EYS: variants seen among roughly 807,000 people sequenced by gnomAD.
EYS encodes the protein protein eyes shut homolog.
In EYS, 250 loss-of-function variants were observed where a neutral mutation model predicts 282.1. That is an observed-to-expected ratio of 0.89 (90% CI 0.80 to 0.98). EYS has a LOEUF of 0.98. EYS is among the 50% of genes least tolerant of loss of function. EYS has a pLI of 0.00. For missense variants in EYS, 4,016 were observed against 3,709.0 expected, an observed-to-expected ratio of 1.08 and a Z score of -2.15; for synonymous variants, 1,355 against 1,282.9, an observed-to-expected ratio of 1.06 and a Z score of -1.20.
At chr6:64,122,756 G>A (rs1032144104) in intron 31 of EYS, among the ~76,000 whole-genome samples, 6 of 151,670 alleles carry the variant, frequency 4.0e-5, no homozygotes, top group African/African-American at 1.2e-4. Context: ...TTAAGATACT[G>A]TAAAGATTAA....
chr6:64,590,235 GC>G lies in EYS; in HGVS notation c.5631del (p.Leu1878Ter). 2 of 1,542,780 alleles carry G rather than the reference GC, an allele frequency of 1.3e-6. No individual in the cohort carries two copies. Among genetic ancestry groups the G allele is most frequent in the Non-Finnish European group, 1.8e-6 (2 of 1,142,846 alleles). On this transcript the variant is annotated frameshift_variant, in exon 26 of 43. Coordinates refer to ENST00000503581, the MANE Select transcript of EYS (RefSeq NM_001142800.2). LOFTEE classifies it high-confidence loss of function. ...CTGAGAAACTCACCAGAAATCATCA[GC>G]CGTTGAGGTGCCAGAATGGATTCCA... ...SSLESILAPQ[R>X]LMISDFSCVR... is the part of the protein sequence containing the mutation.
chr6:65,197,393 G>A (rs1163905663), intron 12 of EYS, among the ~76,000 whole-genome samples: 1 of 152,008 alleles, frequency 6.6e-6, no homozygotes, highest in Non-Finnish European at 1.5e-5. Context: ...GCCATGGAAA[G>A]CCCATTAAAA....
At chr6:65,547,825 G>C (rs1243462085) in intron 2 of EYS, among the ~76,000 whole-genome samples, 1 of 152,192 alleles carries the variant, frequency 6.6e-6, no homozygotes, top group Non-Finnish European at 1.5e-5. Flanking sequence ...CCCTGAAACA[G>C]AGAAGGTCAA....
At chr6:65,012,809 G>C (rs1232273336) in intron 13 of EYS, among the ~76,000 whole-genome samples, 2 of 55,164 alleles carry the variant, frequency 3.6e-5, no homozygotes, top group Non-Finnish European at 3.0e-5. Flanking sequence ...TCCAAGTACA[G>C]CAAAAAAAAA....
At chr6:63,834,563 G>A (rs1475376680) in intron 36 of EYS, among the ~76,000 whole-genome samples, 1 of 150,694 alleles carries the variant, frequency 6.6e-6, no homozygotes, top group Non-Finnish European at 1.5e-5. Flanking sequence ...ACAGATGCTG[G>A]AGAGGATGTG....
intron 31 of EYS, among the ~76,000 whole-genome samples, chr6:64,156,608 C>A (rs1444911625): frequency 6.6e-6 from 1 of 152,094 alleles, no homozygotes; most frequent in African/African-American, 2.4e-5. Context: ...ATGGCTTTGA[C>A]CAAAAGTCTG....
intron 12 of EYS, among the ~76,000 whole-genome samples, chr6:65,118,554 G>A (rs1437170074): frequency 6.6e-6 from 1 of 152,144 alleles, no homozygotes; most frequent in Non-Finnish European, 1.5e-5. Context: ...TCGTCAAGCT[G>A]GCTGGATATC....
intron 22 of EYS, among the ~76,000 whole-genome samples, chr6:64,787,626 A>G (rs1178223866): frequency 6.6e-6 from 1 of 151,332 alleles, no homozygotes; most frequent in East Asian, 1.9e-4. Context: ...ATTCCTTTTT[A>G]CTTCCTCTTT....
chr6:64,828,038 T>C (rs1313956868), intron 19 of EYS, among the ~76,000 whole-genome samples: 1 of 151,400 alleles, frequency 6.6e-6, no homozygotes, highest in Non-Finnish European at 1.5e-5. Flanking sequence ...GATAGATGAC[T>C]GAATCTATGA....
intron 36 of EYS, 83 bp from the exon 37 acceptor site, chr6:63,806,455 T>G: frequency 1.7e-6 from 2 of 1,169,230 alleles, no homozygotes; most frequent in Non-Finnish European, 2.4e-6. Context: ...CTGATGCATC[T>G]GGCCAGATAG....
At chr6:64,903,525 C>G (rs1450775257) in intron 16 of EYS, among the ~76,000 whole-genome samples, 1 of 152,128 alleles carries the variant, frequency 6.6e-6, no homozygotes, top group Non-Finnish European at 1.5e-5. Context: ...TGTCCTTTAT[C>G]CTTCTCATAT....
At chr6:65,389,762 A>G (rs1765942136) in intron 7 of EYS, among the ~76,000 whole-genome samples, 1 of 152,144 alleles carries the variant, frequency 6.6e-6, no homozygotes, top group Non-Finnish European at 1.5e-5. Context: ...AATTTGGAAT[A>G]CATTAAGTTT....
intron 12 of EYS, among the ~76,000 whole-genome samples, chr6:65,070,003 T>C (rs1773858971): frequency 6.6e-6 from 1 of 151,928 alleles, no homozygotes; most frequent in Non-Finnish European, 1.5e-5. Flanking sequence ...CTTTCACTAA[T>C]TAAACTCAAG....
intron 5 of EYS, among the ~76,000 whole-genome samples, chr6:65,418,775 C>T (rs1351355590): frequency 1.3e-5 from 2 of 151,888 alleles, no homozygotes; most frequent in African/African-American, 2.4e-5. Context: ...TCATGACAAA[C>T]GTATACCTGT....
intron 12 of EYS, among the ~76,000 whole-genome samples, chr6:65,082,128 A>C (rs1433216491): frequency 6.6e-6 from 1 of 152,114 alleles, no homozygotes; most frequent in Non-Finnish European, 1.5e-5. Flanking sequence ...GAAGGTTGAC[A>C]AGTAAGCCAC....
intron 29 of EYS, among the ~76,000 whole-genome samples, chr6:64,315,064 T>C (rs1359281795): frequency 1.3e-5 from 2 of 151,462 alleles, no homozygotes; most frequent in Non-Finnish European, 2.9e-5. Context: ...AAGAATCAAA[T>C]AGACACAATA....
chr6:64,795,306 G>A (rs1245891481), intron 22 of EYS, among the ~76,000 whole-genome samples: 8 of 151,776 alleles, frequency 5.3e-5, no homozygotes, highest in African/African-American at 1.9e-4. Flanking sequence ...TTTCCTAGAA[G>A]TAGATAAAGC....
intron 13 of EYS, among the ~76,000 whole-genome samples, chr6:65,036,238 C>T (rs1478986566): frequency 6.6e-6 from 1 of 151,706 alleles, no homozygotes; most frequent in Non-Finnish European, 1.5e-5. Flanking sequence ...GAAAGGACTC[C>T]CTATTCAATA....
intron 22 of EYS, among the ~76,000 whole-genome samples, chr6:64,639,346 G>C (rs1164786427): frequency 1.1e-5 from 1 of 91,054 alleles, no homozygotes; most frequent in Non-Finnish European, 2.4e-5. Context: ...TTTCAAGCAT[G>C]AGTATTATAT....
Sources: gnomAD v4.1 joint callset for allele counts (sites outside exome capture counted in the v4.1 genomes callset) on GRCh38, gnomAD v4.1.1 for gene constraint, MANE v1.5 for transcripts, NCBI Gene and HGNC (gene_info 2026-07-23, HGNC 2026-07-21) for gene names.